The following TERF1 variants were observed in gnomAD, a reference collection of about 807,000 sequenced individuals.
TERF1 encodes the protein telomeric repeat binding factor 1.
In TERF1, 20 loss-of-function variants were observed where a neutral mutation model predicts 55.1. The ratio of observed to expected loss-of-function variants is 0.36; its 90% CI spans 0.26 to 0.53. TERF1 has a LOEUF of 0.53. Among genes scored for constraint, TERF1 ranks in the 20% least tolerant of loss-of-function variants. TERF1 has a pLI of 0.91. For synonymous variants in TERF1, 168 were observed against 181.2 expected (o/e 0.93, Z 0.59); for missense variants, 439 against 535.7 (o/e 0.82, Z 1.78).
Position 73,037,647 on chromosome 8 carries a change from T to TA in TERF1, c.1040-1468dup, listed in dbSNP as rs567712582. 5.6e-3 allele frequency among the ~76,000 whole-genome samples: 416 copies of TA among 74,244 alleles called. 6 individuals are homozygous for TA. Among genetic ancestry groups the TA allele is most frequent in the African/African-American group, 0.023 (389 of 17,226 alleles). The allele number at this position is 74,244 out of a possible 152,430, so 48.7% of individuals were successfully genotyped here. On this transcript the variant is annotated intron_variant, in intron 8 of 9. Transcript: ENST00000276603. ...TATATTATATATAACATATATAATA[T>TA]ATATTATATGTATAATAATATTATA...
chr8:73,028,040 G>A (rs1458010384), intron 6 of TERF1, among the ~76,000 whole-genome samples: 2 of 152,172 alleles, frequency 1.3e-5, no homozygotes, highest in Admixed American at 6.5e-5. Flanking sequence ...AATTTAAGAA[G>A]TAGAGATTCC....
At position 73,047,813 on chromosome 8, in the gene TERF1, G is replaced by C. The variant is rs1018849993; in HGVS notation, c.*1676G>C. 1 of 152,118 alleles carries C rather than the reference G, an allele frequency of 6.6e-6. No individual in the cohort carries two copies. The highest frequency in any genetic ancestry group is 2.4e-5 in the African/African-American group (1 of 41,428). 9.4% of individuals were successfully genotyped at this position (152,118 alleles called of 1,614,324 possible). ...CTGCACTATTTATTGGAGATATTTTGATGATTAGTGCCAAGGCTGGCATCA... is the reference window on the plus strand; with the variant it reads ...CTGCACTATTTATTGGAGATATTTTCATGATTAGTGCCAAGGCTGGCATCA... On this transcript the variant is annotated 3_prime_UTR_variant, in exon 10 of 10. Transcript: ENST00000276603.
chr8:73,042,159 G>C (rs1384947383), intron 9 of TERF1, among the ~76,000 whole-genome samples: 1 of 152,152 alleles, frequency 6.6e-6, no homozygotes, highest in African/African-American at 2.4e-5. Context: ...GAAACCAGAA[G>C]TCTCTGTCTT....
chr8:73,020,660 T>C, intron 2 of TERF1, 24 bp from the exon 3 acceptor site: 1 of 1,570,784 alleles, frequency 6.4e-7, no homozygotes, highest in African/African-American at 1.4e-5. Flanking sequence ...TCTGAGTTAC[T>C]TATTTTTGTT....
chr8:73,029,243 G>T (rs1336923161), intron 6 of TERF1, among the ~76,000 whole-genome samples: 1 of 152,216 alleles, frequency 6.6e-6, no homozygotes, highest in Non-Finnish European at 1.5e-5. Flanking sequence ...AGCTTATACA[G>T]TTGTTCCTTG....
chr8:73,019,049 A>C (rs1808642959), intron 2 of TERF1: 1 of 152,226 alleles, frequency 6.6e-6, no homozygotes, highest in Admixed American at 6.5e-5. Context: ...AAGCAAGCAC[A>C]TACAGGAGAT....
intron 1 of TERF1, 93 bp from the exon 2 acceptor site, chr8:73,013,802 C>T (rs1305773602): frequency 6.0e-6 from 4 of 664,356 alleles, no homozygotes; most frequent in East Asian, 5.7e-5. Context: ...ATAATTTTTA[C>T]AATATGTTTG....
intron 5 of TERF1, among the ~76,000 whole-genome samples, chr8:73,025,662 C>G (rs1411099909): frequency 6.9e-6 from 1 of 145,004 alleles, no homozygotes; most frequent in East Asian, 2.1e-4. Context: ...GAGGCTGAAG[C>G]AGGAGAATGG....
chr8:73,030,357 G>A lies in TERF1; in HGVS notation c.909G>A (p.Ala303=), dbSNP rs188011159. The part of the protein sequence containing the change: ...TRKSVSDKQS[A]VTESSEGTVS... ...AAAGTGTTAGTGACAAACAGTCTGC[G>A]GTAACTGAATCCTCAGAGGGTACAG... The change falls in exon 7 of 10, where the codon GCG becomes GCA. Residue 303 remains alanine (A), a synonymous_variant. Coordinates refer to ENST00000276603, the MANE Select transcript of TERF1 (RefSeq NM_017489.3). 5.7e-5 allele frequency: 87 copies of A among 1,522,794 alleles called. No homozygotes were observed. In the East Asian group the frequency reaches 1.3e-3, roughly 23 times the overall value. 94.3% of individuals were successfully genotyped at this position (1,522,794 alleles called of 1,614,324 possible). A position where few individuals can be genotyped will look rare whatever the true frequency, so the allele number is the denominator to read the frequency against.
chr8:73,015,825 A>G (rs1808479884), intron 2 of TERF1, among the ~76,000 whole-genome samples: 1 of 152,226 alleles, frequency 6.6e-6, no homozygotes, highest in African/African-American at 2.4e-5. Context: ...AAATCCTGTC[A>G]TGAAATTTAG....
At position 73,008,972 on chromosome 8, in the gene TERF1, C is replaced by T; in HGVS notation, c.86C>T (p.Ala29Val). ...RDADPTEEQMAETERNDEEQF... is the reference protein window; with the variant it reads ...RDADPTEEQMVETERNDEEQF... ...GCCGACCCTACTGAGGAGCAGATGG[C>T]AGAAACAGAGAGAAACGACGAGGAG... Residue 29 changes from alanine to valine, a missense_variant, in exon 1 of 10, where the codon GCA (alanine) becomes GTA (valine). Ala to Val is a moderately conservative substitution (Grantham distance 64). This residue lies in a region of TERF1 where 179 missense variants were observed against 152.6 expected (regional missense o/e 1.17). Transcript: ENST00000276603. The T allele has an allele frequency of 6.2e-7, 1 of 1,612,766 alleles. No individual in the cohort carries two copies. Among genetic ancestry groups the T allele is most frequent in the Middle Eastern group, 1.8e-4 (1 of 5,634 alleles).
intron 4 of TERF1, 97 bp downstream of exon 4, chr8:73,022,399 T>C: frequency 1.4e-6 from 1 of 704,868 alleles, no homozygotes; most frequent in South Asian, 1.9e-5. Context: ...TGCTTTATCT[T>C]TTAAACAGTA....
chr8:73,023,697 T>C (rs1256931868), intron 4 of TERF1, among the ~76,000 whole-genome samples: 1 of 152,212 alleles, frequency 6.6e-6, no homozygotes, highest in East Asian at 1.9e-4. Context: ...GTACTTGACC[T>C]CACTAGTATT....
rs141820446 is a variant in TERF1, at chr8:73,008,886, C to T, written c.-1C>T. On this transcript the variant is annotated 5_prime_UTR_variant, in exon 1 of 10. Transcript: ENST00000276603. The stretch of plus-strand genomic sequence containing the variant: ...GGCAGTACCCAAGCGAGCCATTTAA[C>T]ATGGCGGAGGATGTTTCCTCAGCGG... The T allele has an allele frequency of 6.5e-4, 1,049 of 1,602,660 alleles. 2 individuals are homozygous for T. The highest frequency in any genetic ancestry group is 1.1e-3 in the South Asian group (100 of 88,916).
intron 8 of TERF1, among the ~76,000 whole-genome samples, chr8:73,034,964 G>C (rs994159727): frequency 6.6e-6 from 1 of 152,120 alleles, no homozygotes; most frequent in Non-Finnish European, 1.5e-5. Context: ...AGAATGTATA[G>C]ATTGAAAGCA....
At position 73,037,804 on chromosome 8, in the gene TERF1, T is replaced by G. The variant is rs1378097900; in HGVS notation, c.1040-1312T>G. ...TTATATATAATATATAGTATAATAA[T>G]ATATATATTATATATAATATATAGT... On this transcript the variant is annotated intron_variant, in intron 8 of 9. Coordinates refer to ENST00000276603, the MANE Select transcript of TERF1 (RefSeq NM_017489.3). Among the ~76,000 whole-genome samples, 5 of 96,734 alleles carry G rather than the reference T, an allele frequency of 5.2e-5. No individual in the cohort carries two copies. The South Asian group carries it at 1.2e-3, about 23-fold the overall frequency. 63.5% of individuals were successfully genotyped at this position (96,734 alleles called of 152,430 possible).
intron 8 of TERF1, among the ~76,000 whole-genome samples, chr8:73,036,242 C>A (rs1459962022): frequency 2.0e-5 from 3 of 152,280 alleles, no homozygotes; most frequent in African/African-American, 7.2e-5. Context: ...GCCTGGTCAT[C>A]ATGTTGTGGT....
chr8:73,021,816 A>G (rs1377726366), intron 3 of TERF1, among the ~76,000 whole-genome samples: 2 of 152,222 alleles, frequency 1.3e-5, no homozygotes, highest in African/African-American at 4.8e-5. Flanking sequence ...CAGGGATCTG[A>G]CTAGCAAATT....
chr8:73,014,673 A>T (rs1041875512), intron 2 of TERF1, among the ~76,000 whole-genome samples: 1 of 152,256 alleles, frequency 6.6e-6, no homozygotes, highest in African/African-American at 2.4e-5. Context: ...TTTACAAAAT[A>T]CTTTTCCAAC....
Sources: allele counts gnomAD v4.1 joint callset (sites outside exome capture counted in the v4.1 genomes callset), GRCh38; gene constraint gnomAD v4.1.1; regional missense constraint gnomAD v4.1.1; transcripts MANE v1.5; gene names NCBI Gene and HGNC (gene_info 2026-07-23, HGNC 2026-07-21).